NUDCD1: variants seen among roughly 807,000 people sequenced by gnomAD.
NUDCD1 encodes NudC domain containing 1.
A neutral mutation model predicts 67.8 loss-of-function variants in NUDCD1; 60 were observed. The observed-to-expected ratio is 0.88, with a 90% CI of 0.72 to 1.10. NUDCD1 has a LOEUF of 1.10. NUDCD1 is among the 50% of genes least tolerant of loss of function. The probability of loss-of-function intolerance (pLI) is 0.00; values close to 1 mark genes in which losing one functional copy is unlikely to be tolerated. For missense variants in NUDCD1, 643 were observed against 695.0 expected, an observed-to-expected ratio of 0.93 and a Z score of 0.84; for synonymous variants, 244 against 230.8, an observed-to-expected ratio of 1.06 and a Z score of -0.52.
At chr8:109,269,542 A>G (rs1352002323) in intron 8 of NUDCD1, among the ~76,000 whole-genome samples, 1 of 152,196 alleles carries the variant, frequency 6.6e-6, no homozygotes, top group Non-Finnish European at 1.5e-5. Context: ...CCAGCTTCCC[A>G]TGACACTTTT....
intron 4 of NUDCD1, among the ~76,000 whole-genome samples, chr8:109,293,028 G>T (rs970096041): frequency 6.6e-6 from 1 of 151,748 alleles, no homozygotes; most frequent in African/African-American, 2.4e-5. Context: ...ATATGTTTCT[G>T]TGTATCACAC....
intron 8 of NUDCD1, among the ~76,000 whole-genome samples, chr8:109,256,087 T>C (rs1258110370): frequency 1.3e-5 from 2 of 151,856 alleles, no homozygotes; most frequent in Non-Finnish European, 2.9e-5. Flanking sequence ...GGGATGCACC[T>C]GTGGTCCCAG....
intron 5 of NUDCD1, among the ~76,000 whole-genome samples, chr8:109,283,730 A>G (rs1814508636): frequency 6.6e-6 from 1 of 152,158 alleles, no homozygotes; most frequent in South Asian, 2.1e-4. Flanking sequence ...AGCAAGCACT[A>G]AGACAATCAG....
In NUDCD1 at chr8:109,311,282, C is replaced by T. The variant is rs138944956; in HGVS notation, c.273+11027G>A. Among the ~76,000 whole-genome samples, 52 of 152,168 alleles carry T rather than the reference C, an allele frequency of 3.4e-4. 1 individual carries two copies. The East Asian group carries it at 8.5e-3, about 25-fold the overall frequency. On this transcript the variant is annotated intron_variant, in intron 2 of 9. Transcript: ENST00000239690. ...AACATCAAAAAATAGTAGATGTTGG[C>T]GTGGATGCTGTGAACAGGGAACACT...
At chr8:109,243,777 G>A (rs955279502) in intron 9 of NUDCD1, among the ~76,000 whole-genome samples, 2 of 152,010 alleles carry the variant, frequency 1.3e-5, no homozygotes, top group Admixed American at 6.6e-5. Context: ...ATGTATCCCT[G>A]AATGTACTAG....
intron 9 of NUDCD1, among the ~76,000 whole-genome samples, chr8:109,244,517 T>A (rs1234419483): frequency 6.6e-6 from 1 of 152,160 alleles, no homozygotes; most frequent in Admixed American, 6.6e-5. Flanking sequence ...AAAAATCCAT[T>A]TGGAGTCTGA....
chr8:109,245,072 TCAA>T (rs1813461582), intron 9 of NUDCD1, among the ~76,000 whole-genome samples: 1 of 152,122 alleles, frequency 6.6e-6, no homozygotes, highest in Non-Finnish European at 1.5e-5. Context: ...TTAGAATAAT[TCAA>T]GTGGTTAGAT....
At chr8:109,248,139 G>T (rs1053854798) in intron 8 of NUDCD1, among the ~76,000 whole-genome samples, 2 of 152,220 alleles carry the variant, frequency 1.3e-5, no homozygotes, top group Non-Finnish European at 2.9e-5. Flanking sequence ...TGCTGGCTTT[G>T]AAGACACAGG....
chr8:109,291,111 C>CCGTGGTTAAATATGTGGAGAAATG, intron 4 of NUDCD1, among the ~76,000 whole-genome samples: 1 of 152,242 alleles, frequency 6.6e-6, no homozygotes, highest in South Asian at 2.1e-4. Context: ...AAACCGGATT[C>CCGTGGTTAAATATGTGGAGAAATG]CGTGGTTAAA....
intron 1 of NUDCD1, among the ~76,000 whole-genome samples, chr8:109,330,684 A>G (rs1815785165): frequency 6.6e-6 from 1 of 152,184 alleles, no homozygotes. Context: ...TGGTACACAT[A>G]CGCCATGGAA....
intron 1 of NUDCD1, among the ~76,000 whole-genome samples, chr8:109,333,659 G>A (rs533679390): frequency 3.0e-3 from 450 of 152,268 alleles, no homozygotes; most frequent in African/African-American, 0.011. Context: ...CTCAGAGGCT[G>A]GGCTGCTGAC....
chr8:109,242,208 T>A lies in NUDCD1; in HGVS notation c.*801A>T. ...GGAACATTAGTAAATATGATAGATG[T>A]ACAGGATCGATAAGCTCTTGCATAT... On this transcript the variant is annotated 3_prime_UTR_variant, in exon 10 of 10. Transcript: ENST00000239690. 1 of 397,578 alleles carries A rather than the reference T, an allele frequency of 2.5e-6. No homozygotes were observed. The highest frequency in any genetic ancestry group is 4.4e-6 in the Non-Finnish European group (1 of 225,274). 24.6% of individuals were successfully genotyped at this position (397,578 alleles called of 1,614,324 possible). A position where few individuals can be genotyped will look rare whatever the true frequency, so the allele number is the denominator to read the frequency against.
chr8:109,271,019 T>C lies in NUDCD1; in HGVS notation c.1285A>G (p.Lys429Glu). 1 of 1,587,474 alleles carries C rather than the reference T, an allele frequency of 6.3e-7. No individual in the cohort carries two copies. Among genetic ancestry groups the C allele is most frequent in the Non-Finnish European group, 8.6e-7 (1 of 1,163,856 alleles). ...SLCRFDGNTL[K>E]TTHVVNLGSN... is the part of the protein sequence containing the mutation. ...CAGTAACTTACCACATGAGTAGTTTTTAATGTATTGCCATCAAATCTGCAT... is the reference window on the plus strand; with the variant it reads ...CAGTAACTTACCACATGAGTAGTTTCTAATGTATTGCCATCAAATCTGCAT... The change falls in exon 8 of 10, where the codon AAA (lysine) becomes GAA (glutamate). Residue 429 changes from lysine (K) to glutamate (E), a missense_variant. By Grantham distance (56) the Lys-to-Glu change is moderately conservative. Coordinates refer to ENST00000239690, the MANE Select transcript of NUDCD1 (RefSeq NM_032869.4).
intron 2 of NUDCD1, among the ~76,000 whole-genome samples, chr8:109,313,069 C>A (rs189635991): frequency 1.3e-5 from 2 of 152,212 alleles, no homozygotes; most frequent in Admixed American, 1.3e-4. Context: ...TAAAGCCTCA[C>A]TTTCTTTAAC....
intron 1 of NUDCD1, among the ~76,000 whole-genome samples, chr8:109,330,216 G>C (rs1053619382): frequency 4.6e-5 from 7 of 152,196 alleles, no homozygotes; most frequent in African/African-American, 1.4e-4. Context: ...CTTTGGAATA[G>C]AAAAAGACAA....
Position 109,289,766 on chromosome 8 carries a change from A to C in NUDCD1, c.808T>G (p.Ser270Ala). 1.3e-6 allele frequency: 2 copies of C among 1,494,652 alleles called. No homozygotes were observed. Among genetic ancestry groups the C allele is most frequent in the Non-Finnish European group, 1.8e-6 (2 of 1,084,336 alleles). The allele number at this position is 1,494,652 out of a possible 1,614,324, so 92.6% of individuals were successfully genotyped here. ...DLEENMDEDISEKIKEPLYYW... is the reference protein window; with the variant it reads ...DLEENMDEDIAEKIKEPLYYW... The stretch of plus-strand genomic sequence containing the variant: ...TAAAAATTACCTTTGATTTTCTCTG[A>C]TATGTCTTCATCCATATTTTCTTCA... The change falls in exon 5 of 10, where the codon TCA becomes GCA. Residue 270 changes from serine (S) to alanine (A), a missense_variant. Ser to Ala is a moderately conservative substitution (Grantham distance 99). Coordinates refer to ENST00000239690, the MANE Select transcript of NUDCD1 (RefSeq NM_032869.4).
At chr8:109,325,264 T>A (rs1815652532) in intron 1 of NUDCD1, among the ~76,000 whole-genome samples, 3 of 152,000 alleles carry the variant, frequency 2.0e-5, no homozygotes, top group Admixed American at 2.0e-4. Flanking sequence ...AGGATTAAGT[T>A]CTCATGTTTG....
chr8:109,245,287 A>C (rs1283115572), intron 9 of NUDCD1, 35 bp downstream of exon 9: 3 of 1,580,542 alleles, frequency 1.9e-6, no homozygotes, highest in African/African-American at 2.7e-5. Context: ...TGTATTTCTG[A>C]TTTCATGGAA....
intron 2 of NUDCD1, among the ~76,000 whole-genome samples, chr8:109,303,707 G>C (rs930235829): frequency 6.6e-5 from 10 of 151,834 alleles, no homozygotes; most frequent in African/African-American, 1.9e-4. Context: ...CACAAGTATA[G>C]GACACCTCTA....
Sources: allele counts gnomAD v4.1 joint callset (sites outside exome capture counted in the v4.1 genomes callset), GRCh38; gene constraint gnomAD v4.1.1; transcripts MANE v1.5; gene names NCBI Gene and HGNC (gene_info 2026-07-23, HGNC 2026-07-21).